PDHX: variants seen among roughly 807,000 people sequenced by gnomAD.
PDHX encodes the protein pyruvate dehydrogenase complex component X.
In PDHX, 33 loss-of-function variants were observed where a neutral mutation model predicts 55.3. That is an observed-to-expected ratio of 0.60 (90% CI 0.45 to 0.80). The LOEUF is 0.80. Ranked by LOEUF, PDHX falls within the 30% of genes least tolerant of loss-of-function variation. PDHX has a pLI of 0.00. For missense variants in PDHX, 622 were observed against 619.9 expected (o/e 1.00, Z -0.04); for synonymous variants, 226 against 219.4 (o/e 1.03, Z -0.27).
chr11:34,934,225 C>T (rs1854250195), intron 2 of PDHX, among the ~76,000 whole-genome samples: 1 of 152,214 alleles, frequency 6.6e-6, no homozygotes, highest in Admixed American at 6.5e-5. Context: ...CCAGATATTA[C>T]ATGTTTCCCA....
chr11:34,933,193 A>G (rs550895720), intron 2 of PDHX, among the ~76,000 whole-genome samples: 47 of 152,216 alleles, frequency 3.1e-4, no homozygotes, highest in Admixed American at 5.2e-4. Flanking sequence ...TTAAAACAAA[A>G]TTAAAGTGTA....
At chr11:34,983,633 GACAA>G (rs762241561) in intron 8 of PDHX, among the ~76,000 whole-genome samples, 69 of 151,164 alleles carry the variant, frequency 4.6e-4, no homozygotes, top group Non-Finnish European at 8.2e-4. Context: ...ACCAATAACA[GACAA>G]ACAGAGAGCC....
At chr11:34,968,427 C>G (rs1855183281) in intron 6 of PDHX, among the ~76,000 whole-genome samples, 1 of 151,976 alleles carries the variant, frequency 6.6e-6, no homozygotes, top group Non-Finnish European at 1.5e-5. Flanking sequence ...CTTTCATTTG[C>G]TTTGTATTAT....
chr11:34,980,943 G>A (rs985476848), intron 8 of PDHX, among the ~76,000 whole-genome samples: 1 of 152,060 alleles, frequency 6.6e-6, no homozygotes, highest in Admixed American at 6.6e-5. Flanking sequence ...CTGTGATACA[G>A]GGCAAGATTA....
Position 34,966,737 on chromosome 11 carries a change from C to G in PDHX, c.739C>G (p.Leu247Val), listed in dbSNP as rs1590756887. The G allele has an allele frequency of 6.2e-7, 1 of 1,614,050 alleles. No individual in the cohort carries two copies. Among genetic ancestry groups the G allele is most frequent in the South Asian group, 1.1e-5 (1 of 91,084 alleles). ...AGCCACTCCCACAGCACCTTCGCCC[C>G]TACAGGCCACAGCTGGACCATCTTA... is the stretch of plus-strand genomic sequence containing the variant. ...PTATPTAPSPLQATAGPSYPR... is the reference protein window; with the variant it reads ...PTATPTAPSPVQATAGPSYPR... The change falls in exon 6 of 11, where the codon CTA becomes GTA. Residue 247 changes from leucine to valine, a missense_variant. Physicochemically the swap from Leu to Val is conservative, Grantham distance 32. Transcript: ENST00000227868.
chr11:34,995,190 T>C lies in PDHX; in HGVS notation c.*18T>C. On this transcript the variant is annotated 3_prime_UTR_variant, in exon 11 of 11. Coordinates refer to ENST00000227868, the MANE Select transcript of PDHX (RefSeq NM_003477.3). ...TTGCCTAGTCCTCAAAGATAAGAAG[T>C]TGGTGTTCAGCTTAGTTGATTCAGT... is the stretch of plus-strand genomic sequence containing the variant. 6.2e-7 allele frequency: 1 copy of C among 1,613,248 alleles called. No homozygotes were observed. Among genetic ancestry groups the C allele is most frequent in the African/African-American group, 1.3e-5 (1 of 74,996 alleles).
intron 3 of PDHX, among the ~76,000 whole-genome samples, chr11:34,949,772 G>A (rs1339228828): frequency 1.3e-5 from 2 of 152,096 alleles, no homozygotes; most frequent in Non-Finnish European, 2.9e-5. Flanking sequence ...TAGGATATTT[G>A]TGAGGATGAA....
At chr11:34,933,225 C>T (rs769508149) in intron 2 of PDHX, among the ~76,000 whole-genome samples, 12 of 152,116 alleles carry the variant, frequency 7.9e-5, no homozygotes, top group African/African-American at 2.4e-5. Context: ...AAGATTGAAA[C>T]GAGACAGGTG....
chr11:34,925,081 T>G (rs1290270037), intron 1 of PDHX, among the ~76,000 whole-genome samples: 1 of 152,238 alleles, frequency 6.6e-6, no homozygotes, highest in Non-Finnish European at 1.5e-5. Context: ...TTTAAATTTT[T>G]AGTTAGTTTT....
intron 7 of PDHX, 23 bp from the exon 8 acceptor site, chr11:34,978,101 T>C (rs1488534913): frequency 2.3e-6 from 3 of 1,332,482 alleles, no homozygotes; most frequent in Non-Finnish European, 3.2e-6. Flanking sequence ...ATACTAATTT[T>C]ACTAACCTTA....
intron 8 of PDHX, among the ~76,000 whole-genome samples, chr11:34,983,771 A>G (rs1855577030): frequency 6.6e-6 from 1 of 152,224 alleles, no homozygotes; most frequent in African/African-American, 2.4e-5. Flanking sequence ...GATGAAATAA[A>G]AGAGAATACA....
intron 9 of PDHX, 36 bp downstream of exon 9, chr11:34,984,764 A>G (rs367665412): frequency 6.3e-7 from 1 of 1,596,910 alleles, no homozygotes; most frequent in Non-Finnish European, 8.6e-7. Flanking sequence ...TCAAAATGTT[A>G]GCATATACTT....
chr11:34,944,051 A>G (rs932823899), intron 2 of PDHX, among the ~76,000 whole-genome samples: 5 of 147,116 alleles, frequency 3.4e-5, no homozygotes, highest in East Asian at 2.0e-4. Context: ...TATATTTTAT[A>G]TGTAATATAT....
intron 2 of PDHX, among the ~76,000 whole-genome samples, chr11:34,937,062 G>A (rs1854339356): frequency 1.3e-5 from 2 of 151,992 alleles, no homozygotes; most frequent in Admixed American, 1.3e-4. Flanking sequence ...GGGATTATAG[G>A]CGTGAGCCAC....
At position 34,966,661 on chromosome 11, in the gene PDHX, G is replaced by A; in HGVS notation, c.663G>A (p.Gln221=). 2 of 1,613,980 alleles carry A rather than the reference G, an allele frequency of 1.2e-6. No homozygotes were observed. Among genetic ancestry groups the A allele is most frequent in the African/African-American group, 2.7e-5 (2 of 74,954 alleles). ...CCAGGGATGCTCTCAAACTTGTCCA[G>A]TTGAAACAAACGGGCAAGATTACCG... ...FTKEDALKLV[Q]LKQTGKITES... The change falls in exon 6 of 11, where the codon CAG becomes CAA. Residue 221 remains glutamine (Q), a synonymous_variant. Transcript: ENST00000227868.
rs78013010 is a variant in PDHX, at chr11:34,954,330, C to G, written c.343-3054C>G. Among the ~76,000 whole-genome samples the G allele has an allele frequency of 3.1e-3, 472 of 152,324 alleles. 2 individuals are homozygous for G. Among genetic ancestry groups the G allele is most frequent in the African/African-American group, 0.011 (457 of 41,572 alleles). ...GAGCCCTCTCAATTTCTCTGTTGGACATACTGCTGTAAATGTTTTGCATCT... is the reference window on the plus strand; with the variant it reads ...GAGCCCTCTCAATTTCTCTGTTGGAGATACTGCTGTAAATGTTTTGCATCT... On this transcript the variant is annotated intron_variant, in intron 3 of 10. Transcript: ENST00000227868.
chr11:34,957,992 T>C (rs1854942952), intron 4 of PDHX, among the ~76,000 whole-genome samples: 1 of 152,182 alleles, frequency 6.6e-6, no homozygotes, highest in Admixed American at 6.5e-5. Context: ...GAATTCATGT[T>C]TTAACATGCA....
intron 2 of PDHX, among the ~76,000 whole-genome samples, chr11:34,931,994 A>G (rs1372436230): frequency 1.3e-5 from 2 of 152,208 alleles, no homozygotes; most frequent in Non-Finnish European, 2.9e-5. Context: ...ATTTCTAATT[A>G]AAACTCTGGG....
intron 9 of PDHX, among the ~76,000 whole-genome samples, chr11:34,986,984 A>C (rs1281572767): frequency 1.3e-5 from 2 of 152,166 alleles, no homozygotes; most frequent in Non-Finnish European, 2.9e-5. Flanking sequence ...TGGAACCTTA[A>C]CTTCTCCATG....
Sources: gnomAD v4.1 joint callset for allele counts (sites outside exome capture counted in the v4.1 genomes callset) on GRCh38, gnomAD v4.1.1 for gene constraint, MANE v1.5 for transcripts, NCBI Gene and HGNC (gene_info 2026-07-23, HGNC 2026-07-21) for gene names.